GRID2: variants seen among roughly 807,000 people sequenced by gnomAD.
GRID2 encodes the protein glutamate receptor ionotropic, delta-2.
Under a neutral mutation model 114.8 loss-of-function variants are expected in GRID2, and 33 were observed. That is an observed-to-expected ratio of 0.29 (90% CI 0.22 to 0.38). GRID2 has a LOEUF of 0.38. GRID2 is among the 10% of genes least tolerant of loss of function. The pLI is 1.00. For synonymous variants in GRID2, 505 were observed against 449.9 expected, an observed-to-expected ratio of 1.12 and a Z score of -1.55; for missense variants, 1,184 against 1,257.7, an observed-to-expected ratio of 0.94 and a Z score of 0.89.
intron 1 of GRID2, among the ~76,000 whole-genome samples, chr4:92,459,960 T>G (rs544021255): frequency 1.4e-5 from 2 of 145,828 alleles, no homozygotes; most frequent in African/African-American, 5.1e-5. Context: ...GTCTCCAGCC[T>G]GCTGGCCTGC....
In GRID2 at chr4:92,322,253, A is replaced by G. The variant is rs189989397; in HGVS notation, c.88+17509A>G. ...AGATGATATCTCATTATAAATTTAC[A>G]TGAAGTAGATGGCTAAAATGTTTGC... On this transcript the variant is annotated intron_variant, in intron 1 of 15. Coordinates refer to ENST00000282020, the MANE Select transcript of GRID2 (RefSeq NM_001510.4). Among the ~76,000 whole-genome samples the G allele has an allele frequency of 5.0e-3, 755 of 152,008 alleles. 4 individuals are homozygous for G. Among genetic ancestry groups the G allele is most frequent in the Non-Finnish European group, 7.0e-3 (477 of 67,978 alleles).
At chr4:93,505,308 C>G (rs1199014149) in intron 12 of GRID2, among the ~76,000 whole-genome samples, 1 of 151,974 alleles carries the variant, frequency 6.6e-6, no homozygotes, top group African/African-American at 2.4e-5. Flanking sequence ...TGAAAATCCC[C>G]TATTTCACTA....
intron 1 of GRID2, among the ~76,000 whole-genome samples, chr4:93,787,145 G>A (rs963023028): frequency 1.3e-5 from 2 of 151,816 alleles, no homozygotes; most frequent in Admixed American, 6.6e-5. Context: ...GAGGTAAAGA[G>A]AGAACATGGA....
chr4:93,802,369 T>G (rs185706781), intron 1 of GRID2, among the ~76,000 whole-genome samples: 41 of 152,150 alleles, frequency 2.7e-4, no homozygotes, highest in African/African-American at 8.7e-4. Context: ...TGACTCTATG[T>G]GTGAGAGTGA....
chr4:92,964,126 G>C (rs1379768972), intron 2 of GRID2, among the ~76,000 whole-genome samples: 1 of 151,962 alleles, frequency 6.6e-6, no homozygotes, highest in East Asian at 1.9e-4. Context: ...AGATTTAACA[G>C]AATTCTTAAG....
intron 1 of GRID2, among the ~76,000 whole-genome samples, chr4:92,567,269 T>G: frequency 6.6e-6 from 1 of 152,126 alleles, no homozygotes; most frequent in East Asian, 1.9e-4. Flanking sequence ...ATTTTTAACT[T>G]CAAAATTATA....
intron 11 of GRID2, among the ~76,000 whole-genome samples, chr4:93,459,307 T>C (rs918329583): frequency 1.3e-5 from 2 of 150,884 alleles, no homozygotes; most frequent in African/African-American, 4.9e-5. Flanking sequence ...ATTTATAAAA[T>C]AGGACATCTA....
intron 2 of GRID2, among the ~76,000 whole-genome samples, chr4:92,867,554 A>G (rs1339472839): frequency 6.6e-6 from 1 of 151,934 alleles, no homozygotes; most frequent in Non-Finnish European, 1.5e-5. Context: ...GAACCCCTGA[A>G]TGCAGAGAGA....
rs571334283 is a variant in GRID2, at chr4:92,857,338, C to G, written c.245-227657C>G. Among the ~76,000 whole-genome samples the G allele has an allele frequency of 9.2e-5, 14 of 151,984 alleles. No individual in the cohort carries two copies. In the South Asian group the frequency reaches 2.9e-3, roughly 32 times the overall value. ...AATAGGCTGAAATCCAGGGCTCTTG[C>G]ACCAGTTAGCAAAGTTGTGAATGTA... On this transcript the variant is annotated intron_variant, in intron 2 of 15. Transcript: ENST00000282020.
intron 8 of GRID2, among the ~76,000 whole-genome samples, chr4:93,339,402 G>T (rs1327160760): frequency 6.6e-6 from 1 of 152,158 alleles, no homozygotes; most frequent in Non-Finnish European, 1.5e-5. Context: ...AGGATTTCTT[G>T]TGATGAAGAA....
chr4:93,728,976 G>A (rs1252279300), intron 14 of GRID2, among the ~76,000 whole-genome samples: 1 of 152,102 alleles, frequency 6.6e-6, no homozygotes, highest in South Asian at 2.1e-4. Context: ...GGAGCATTTA[G>A]CCCATTTACA....
At chr4:92,457,881 C>A (rs557740956) in intron 1 of GRID2, among the ~76,000 whole-genome samples, 12 of 152,166 alleles carry the variant, frequency 7.9e-5, no homozygotes, top group Non-Finnish European at 1.6e-4. Flanking sequence ...AAAGAAATTT[C>A]TCTACTACAA....
intron 2 of GRID2, among the ~76,000 whole-genome samples, chr4:93,055,942 C>T (rs1727192479): frequency 1.3e-5 from 2 of 151,870 alleles, no homozygotes; most frequent in South Asian, 4.1e-4. Flanking sequence ...CCCCTCATCT[C>T]CAAAAGTCAC....
intron 1 of GRID2, among the ~76,000 whole-genome samples, chr4:92,427,683 C>G (rs1471943449): frequency 6.6e-6 from 1 of 151,986 alleles, no homozygotes; most frequent in East Asian, 1.9e-4. Context: ...AAAATGTTAA[C>G]AAATAGAGCG....
rs1386309366 is a variant in GRID2 at position 92,875,173 on chromosome 4, TTTTC to T, written c.245-209821_245-209818del. Among the ~76,000 whole-genome samples the T allele has an allele frequency of 3.8e-3, 550 of 146,636 alleles. 4 individuals carry two copies. Among genetic ancestry groups the T allele is most frequent in the African/African-American group, 0.013 (522 of 39,186 alleles). On this transcript the variant is annotated intron_variant, in intron 2 of 15. Coordinates refer to ENST00000282020, the MANE Select transcript of GRID2 (RefSeq NM_001510.4). ...GGTTTTTTTTTTTTTTTTTTTTTTTTTTTCCCGAGACGGAGTCTCACACTGTTGC... is the reference window on the plus strand; with the variant it reads ...GGTTTTTTTTTTTTTTTTTTTTTTTTCCGAGACGGAGTCTCACACTGTTGC...
chr4:92,387,894 C>G (rs1730051115), intron 1 of GRID2, among the ~76,000 whole-genome samples: 1 of 152,114 alleles, frequency 6.6e-6, no homozygotes, highest in South Asian at 2.1e-4. Context: ...TAAAAAGAAT[C>G]AAAGATCTTT....
intron 4 of GRID2, among the ~76,000 whole-genome samples, chr4:93,125,381 T>C (rs888156533): frequency 1.3e-5 from 2 of 151,952 alleles, no homozygotes; most frequent in Non-Finnish European, 2.9e-5. Flanking sequence ...GATTCTCTGA[T>C]ATATATACAT....
chr4:92,718,553 C>G (rs115224658), intron 2 of GRID2, among the ~76,000 whole-genome samples: 2,769 of 151,838 alleles, frequency 0.018, 94 homozygotes, highest in African/African-American at 0.064. Flanking sequence ...TATTTGAGGC[C>G]AGGAGCTCAA....
intron 2 of GRID2, among the ~76,000 whole-genome samples, chr4:92,827,825 A>G (rs1268909790): frequency 6.6e-6 from 1 of 152,106 alleles, no homozygotes; most frequent in Non-Finnish European, 1.5e-5. Context: ...ATTATTTAAC[A>G]TAGAGCTTGT....
Sources: gnomAD v4.1 joint callset for allele counts (sites outside exome capture counted in the v4.1 genomes callset) on GRCh38, gnomAD v4.1.1 for gene constraint, MANE v1.5 for transcripts, NCBI Gene and HGNC (gene_info 2026-07-23, HGNC 2026-07-21) for gene names.